Variants in ZNF254 observed in about 807,000 individuals in gnomAD.
The protein encoded by ZNF254 is zinc finger protein 254, also known as CTD-2017D11.1.
In ZNF254, 10 loss-of-function variants were observed where a neutral mutation model predicts 12.4. The observed-to-expected ratio is 0.80, with a 90% CI of 0.50 to 1.36. ZNF254 has a LOEUF of 1.36. Ranked by LOEUF, ZNF254 falls within the 40% of genes most tolerant of loss-of-function variation. The pLI, the probability that ZNF254 is intolerant of heterozygous loss-of-function variation, is 0.00. For synonymous variants in ZNF254, 305 were observed against 253.4 expected, an observed-to-expected ratio of 1.20 and a Z score of -1.93; for missense variants, 996 against 763.9, an observed-to-expected ratio of 1.30 and a Z score of -3.58.
intron 2 of ZNF254, among the ~76,000 whole-genome samples, chr19:24,055,145 T>C (rs1357851221): frequency 5.3e-5 from 7 of 131,916 alleles, no homozygotes; most frequent in African/African-American, 1.7e-4. Context: ...GGAGGTTGCA[T>C]TGAATTGAGA....
chr19:24,055,526 A>G (rs369954193), intron 2 of ZNF254, among the ~76,000 whole-genome samples: 1 of 152,096 alleles, frequency 6.6e-6, no homozygotes, highest in East Asian at 2.0e-4. Flanking sequence ...ATCCACCTGC[A>G]TCAGCCTCCC....
chr19:24,077,278 T>G (rs986011931), intron 2 of ZNF254, among the ~76,000 whole-genome samples: 4 of 152,196 alleles, frequency 2.6e-5, no homozygotes, highest in African/African-American at 9.7e-5. Flanking sequence ...TAAAATGTAT[T>G]AGAAGACTGT....
upstream of ZNF254, among the ~76,000 whole-genome samples, chr19:24,085,408 G>GTATATATATATATATATATATACATATA (rs377541868): frequency 3.1e-5 from 1 of 32,710 alleles, no homozygotes; most frequent in African/African-American, 1.2e-4. Context: ...TTTGTTAAGG[G>GTATATATATATATATATATATACATATA]TATATATATA....
intron 3 of ZNF254, among the ~76,000 whole-genome samples, chr19:24,113,704 G>A (rs1286961170): frequency 6.6e-6 from 1 of 152,116 alleles, no homozygotes; most frequent in Admixed American, 6.5e-5. Context: ...GCAGGAGAAG[G>A]AAATAAAGGG....
intron 1 of ZNF254, chr19:24,103,813 C>T (rs1225710239): frequency 6.6e-6 from 1 of 152,342 alleles, no homozygotes; most frequent in Non-Finnish European, 1.5e-5. Context: ...CAACCTCTGC[C>T]TCCCGGGTTC....
At chr19:24,097,845 CA>C (rs982953149) in intron 1 of ZNF254, among the ~76,000 whole-genome samples, 8 of 147,402 alleles carry the variant, frequency 5.4e-5, no homozygotes, top group East Asian at 3.9e-4. Flanking sequence ...CAAACAACAA[CA>C]AAAAAAACAA....
chr19:24,117,752 C>T (rs562726718), intron 3 of ZNF254, among the ~76,000 whole-genome samples: 4 of 152,074 alleles, frequency 2.6e-5, no homozygotes, highest in South Asian at 2.1e-4. Context: ...CCCGGTACCT[C>T]GGATGGAAAT....
chr19:24,067,277 A>G (rs368842434), intron 2 of ZNF254, among the ~76,000 whole-genome samples: 2 of 152,032 alleles, frequency 1.3e-5, no homozygotes, highest in South Asian at 2.1e-4. Flanking sequence ...GGGTCATGCT[A>G]ATAGAAGCAA....
intron 3 of ZNF254, among the ~76,000 whole-genome samples, chr19:24,116,404 C>CT (rs1974078427): frequency 6.6e-6 from 1 of 151,976 alleles, no homozygotes; most frequent in Non-Finnish European, 1.5e-5. Flanking sequence ...TCTTTTTATT[C>CT]TTTTTTCTCT....
At chr19:24,102,107 A>C (rs1299352252) in intron 1 of ZNF254, among the ~76,000 whole-genome samples, 1 of 152,208 alleles carries the variant, frequency 6.6e-6, no homozygotes, top group Non-Finnish European at 1.5e-5. Flanking sequence ...TGATTTAATT[A>C]TGCATCATAT....
intron 1 of ZNF254, among the ~76,000 whole-genome samples, chr19:24,089,661 C>T (rs192728156): frequency 7.2e-4 from 110 of 152,020 alleles, no homozygotes; most frequent in Non-Finnish European, 1.2e-3. Context: ...GTCCCAAGTG[C>T]GCAGGTGGAT....
chr19:24,034,200 G>T (rs1022940204), intron 1 of ZNF254, among the ~76,000 whole-genome samples: 1 of 152,100 alleles, frequency 6.6e-6, no homozygotes, highest in African/African-American at 2.4e-5. Context: ...GCCCGCCTCG[G>T]CCTGACCGGG....
At chr19:24,057,702 C>T (rs1970913892) in intron 2 of ZNF254, among the ~76,000 whole-genome samples, 1 of 152,202 alleles carries the variant, frequency 6.6e-6, no homozygotes, top group African/African-American at 2.4e-5. Context: ...TGAATCCAGT[C>T]CAAAGTTAAG....
intron 1 of ZNF254, among the ~76,000 whole-genome samples, chr19:24,090,480 AGGCTGGAGCGCAGTGGTACC>A: frequency 6.6e-6 from 1 of 152,172 alleles, no homozygotes; most frequent in Non-Finnish European, 1.5e-5. Flanking sequence ...TCTGTCACCC[AGGCTGGAGCGCAGTGGTACC>A]ATCTCGGTCC....
chr19:24,106,764 A>G, intron 3 of ZNF254, 121 bp downstream of exon 3: 1 of 853,842 alleles, frequency 1.2e-6, no homozygotes, highest in Admixed American at 2.9e-5. Context: ...GGAAGCCTAA[A>G]TTTTTTTTTT....
At chr19:24,117,149 G>A (rs942442070) in intron 3 of ZNF254, among the ~76,000 whole-genome samples, 12 of 152,142 alleles carry the variant, frequency 7.9e-5, no homozygotes, top group Non-Finnish European at 1.8e-4. Context: ...TCAGGGGTCC[G>A]GGACCCACTT....
intron 3 of ZNF254, among the ~76,000 whole-genome samples, chr19:24,120,442 A>G (rs994091365): frequency 6.6e-6 from 1 of 152,108 alleles, no homozygotes; most frequent in Non-Finnish European, 1.5e-5. Flanking sequence ...TAATATAAAA[A>G]TTATTTTGTG....
At chr19:24,060,508 C>A (rs768350835) in intron 2 of ZNF254, among the ~76,000 whole-genome samples, 19 of 152,330 alleles carry the variant, frequency 1.2e-4, no homozygotes, top group Non-Finnish European at 1.9e-4. Flanking sequence ...GGCCCATCAA[C>A]TATTTGATGT....
At chr19:24,035,160 TTTG>T (rs1162045360) in intron 1 of ZNF254, among the ~76,000 whole-genome samples, 1 of 151,806 alleles carries the variant, frequency 6.6e-6, no homozygotes, top group Non-Finnish European at 1.5e-5. Context: ...GCCTGGTTTT[TTTG>T]TTGTTGTTTG....
Sources: gnomAD v4.1 joint callset for allele counts (sites outside exome capture counted in the v4.1 genomes callset) on GRCh38, gnomAD v4.1.1 for gene constraint, MANE v1.5 for transcripts, NCBI Gene and HGNC (gene_info 2026-07-23, HGNC 2026-07-21) for gene names.